Variants in FRMD4A observed in about 807,000 individuals in gnomAD.
FRMD4A encodes FERM domain containing 4A.
Under a neutral mutation model 129.1 loss-of-function variants are expected in FRMD4A, and 29 were observed. The observed-to-expected ratio is 0.22, with a 90% CI of 0.17 to 0.31. The LOEUF is 0.31. Among genes scored for constraint, FRMD4A ranks in the 10% least tolerant of loss-of-function variants. FRMD4A has a pLI of 1.00. For synonymous variants in FRMD4A, 634 were observed against 571.6 expected (o/e 1.11, Z -1.56); for missense variants, 1,272 against 1,375.8 (o/e 0.92, Z 1.19).
At chr10:14,146,928 A>G (rs1350867987) in intron 2 of FRMD4A, among the ~76,000 whole-genome samples, 3 of 152,226 alleles carry the variant, frequency 2.0e-5, no homozygotes, top group Non-Finnish European at 2.9e-5. Context: ...AGCAAATATC[A>G]TCATCTATTT....
At chr10:14,253,487 T>C (rs1015772416) in intron 2 of FRMD4A, among the ~76,000 whole-genome samples, 18 of 152,266 alleles carry the variant, frequency 1.2e-4, no homozygotes, top group African/African-American at 4.3e-4. Flanking sequence ...CCACTTTCTT[T>C]ATATGAATTC....
intron 2 of FRMD4A, among the ~76,000 whole-genome samples, chr10:14,161,167 G>T (rs982856608): frequency 6.6e-6 from 1 of 152,152 alleles, no homozygotes; most frequent in African/African-American, 2.4e-5. Context: ...TGTTGGCCAG[G>T]CTGGTCTTGA....
chr10:13,902,491 G>GAGAA (rs59034608), intron 2 of FRMD4A, among the ~76,000 whole-genome samples: 2 of 151,020 alleles, frequency 1.3e-5, no homozygotes, highest in Non-Finnish European at 3.0e-5. Flanking sequence ...GAGAGAGAGA[G>GAGAA]TGACAGAGAT....
At chr10:14,197,979 C>T (rs1172604003) in intron 2 of FRMD4A, among the ~76,000 whole-genome samples, 3 of 152,204 alleles carry the variant, frequency 2.0e-5, no homozygotes, top group Non-Finnish European at 4.4e-5. Context: ...CTTTGGTGAG[C>T]TGGGAGTCCG....
At chr10:13,714,347 G>A (rs780504578) in intron 12 of FRMD4A, among the ~76,000 whole-genome samples, 114 of 151,172 alleles carry the variant, frequency 7.5e-4, no homozygotes, top group Middle Eastern at 3.4e-3. Context: ...ATAGGTGTGA[G>A]CCAACATCCT....
intron 2 of FRMD4A, among the ~76,000 whole-genome samples, chr10:13,974,689 G>A (rs1288500198): frequency 1.1e-4 from 16 of 152,188 alleles, no homozygotes. Context: ...ACCATGCCTG[G>A]CTAATTTTTG....
At chr10:14,321,099 C>A (rs938688268) in intron 2 of FRMD4A, among the ~76,000 whole-genome samples, 1 of 152,016 alleles carries the variant, frequency 6.6e-6, no homozygotes, top group Non-Finnish European at 1.5e-5. Flanking sequence ...AGAGTGTAAG[C>A]TTGATGACAA....
intron 2 of FRMD4A, among the ~76,000 whole-genome samples, chr10:14,280,840 C>CTCAA (rs1208580201): frequency 6.6e-6 from 1 of 152,140 alleles, no homozygotes; most frequent in East Asian, 1.9e-4. Flanking sequence ...TTGTTATAGG[C>CTCAA]TCAATGGTGT....
chr10:14,136,029 G>T (rs1161067281), intron 2 of FRMD4A, among the ~76,000 whole-genome samples: 1 of 152,182 alleles, frequency 6.6e-6, no homozygotes, highest in Non-Finnish European at 1.5e-5. Flanking sequence ...TGGCTGCCAT[G>T]TCTAGCCAGG....
intron 2 of FRMD4A, among the ~76,000 whole-genome samples, chr10:14,325,574 G>A (rs1843240370): frequency 6.6e-6 from 1 of 152,210 alleles, no homozygotes; most frequent in Admixed American, 6.5e-5. Context: ...GATGAGTTAG[G>A]CACTGTTTTG....
intron 3 of FRMD4A, among the ~76,000 whole-genome samples, chr10:13,849,503 C>T (rs1294792579): frequency 2.7e-5 from 4 of 146,206 alleles, no homozygotes; most frequent in East Asian, 2.0e-4. Flanking sequence ...TTTTTTGATA[C>T]GGAGTTCGCT....
intron 2 of FRMD4A, among the ~76,000 whole-genome samples, chr10:13,877,411 G>A (rs1173062039): frequency 6.6e-6 from 1 of 152,126 alleles, no homozygotes; most frequent in East Asian, 1.9e-4. Flanking sequence ...CCTTAAATCA[G>A]ATCAAACCTC....
At chr10:13,679,046 C>G (rs2134747896) in intron 15 of FRMD4A, among the ~76,000 whole-genome samples, 1 of 152,190 alleles carries the variant, frequency 6.6e-6, no homozygotes, top group Admixed American at 6.5e-5. Flanking sequence ...CAAATCTCCC[C>G]CATCACCTAC....
Position 13,682,500 on chromosome 10 carries a change from T to TC in FRMD4A, c.1118-7457_1118-7456insG, listed in dbSNP as rs201850193. ...ATCATTCCCATTTTCTTTCTTTCTT[T>TC]TTTTTTTTTTTTTTTTTTGAGACAG... is the stretch of plus-strand genomic sequence containing the variant. On this transcript the variant is annotated intron_variant, in intron 15 of 24. Coordinates refer to ENST00000357447, the MANE Select transcript of FRMD4A (RefSeq NM_018027.5). Among the ~76,000 whole-genome samples the TC allele has an allele frequency of 6.3e-3, 873 of 138,974 alleles. 8 individuals carry two copies. The highest frequency in any genetic ancestry group is 0.024 in the African/African-American group (829 of 35,156). 91.2% of individuals were successfully genotyped at this position (138,974 alleles called of 152,430 possible).
At chr10:13,777,222 C>G (rs1363973026) in intron 6 of FRMD4A, among the ~76,000 whole-genome samples, 1 of 152,222 alleles carries the variant, frequency 6.6e-6, no homozygotes, top group African/African-American at 2.4e-5. Context: ...TCCAGCCATC[C>G]CCCAGTCCTT....
chr10:14,076,043 ACT>A (rs374418140), intron 2 of FRMD4A, among the ~76,000 whole-genome samples: 57 of 152,066 alleles, frequency 3.7e-4, no homozygotes, highest in African/African-American at 1.2e-3. Flanking sequence ...GTTGATGGCA[ACT>A]CTGTTTTATT....
intron 18 of FRMD4A, among the ~76,000 whole-genome samples, chr10:13,664,104 T>C (rs2082838677): frequency 1.3e-5 from 2 of 152,190 alleles, no homozygotes; most frequent in Admixed American, 6.5e-5. Context: ...CCTGTTTCAC[T>C]GCTGGGGAAA....
At chr10:13,756,883 T>G (rs565115097) in intron 8 of FRMD4A, among the ~76,000 whole-genome samples, 1 of 152,194 alleles carries the variant, frequency 6.6e-6, no homozygotes. Context: ...AATTAGAATA[T>G]AACTAGAAAA....
chr10:14,091,878 C>T (rs137895534), intron 2 of FRMD4A, among the ~76,000 whole-genome samples: 29 of 152,226 alleles, frequency 1.9e-4, no homozygotes, highest in African/African-American at 6.7e-4. Context: ...CTGGAATCAC[C>T]CATGTTCTTA....
Sources: gnomAD v4.1 joint callset for allele counts (sites outside exome capture counted in the v4.1 genomes callset) on GRCh38, gnomAD v4.1.1 for gene constraint, MANE v1.5 for transcripts, NCBI Gene and HGNC (gene_info 2026-07-23, HGNC 2026-07-21) for gene names.